The following ADGRF4 variants were observed in gnomAD, a reference collection of about 807,000 sequenced individuals.
The protein encoded by ADGRF4 is G-protein coupled receptor PGR18.
A neutral mutation model predicts 58.5 loss-of-function variants in ADGRF4; 63 were observed. The ratio of observed to expected loss-of-function variants is 1.08; its 90% CI spans 0.88 to 1.33. The LOEUF (loss-of-function observed/expected upper bound fraction) is 1.33. Among genes scored for constraint, ADGRF4 ranks in the 40% most tolerant of loss-of-function variants. The probability of loss-of-function intolerance (pLI) is 0.00; values close to 1 mark genes in which losing one functional copy is unlikely to be tolerated. For synonymous variants in ADGRF4, 313 were observed against 295.4 expected (o/e 1.06, Z -0.61); for missense variants, 931 against 843.9 (o/e 1.10, Z -1.28).
chr6:47,716,251 A>G (rs1379451746), intron 6 of ADGRF4, among the ~76,000 whole-genome samples: 1 of 152,164 alleles, frequency 6.6e-6, no homozygotes, highest in African/African-American at 2.4e-5. Flanking sequence ...TTTCTTCACC[A>G]TGAACTCTCC....
chr6:47,706,080 T>C (rs1771701559), intron 1 of ADGRF4, among the ~76,000 whole-genome samples: 1 of 152,212 alleles, frequency 6.6e-6, no homozygotes, highest in Non-Finnish European at 1.5e-5. Context: ...CATCAGATTA[T>C]AGTATAGTTC....
chr6:47,710,477 A>G (rs937888864), intron 3 of ADGRF4, among the ~76,000 whole-genome samples: 4 of 151,926 alleles, frequency 2.6e-5, no homozygotes, highest in Admixed American at 2.6e-4. Context: ...ATCTCTTGCC[A>G]CTCCCCCTTC....
intron 3 of ADGRF4, among the ~76,000 whole-genome samples, chr6:47,710,322 T>C (rs902736194): frequency 1.3e-5 from 2 of 152,194 alleles, no homozygotes; most frequent in African/African-American, 4.8e-5. Flanking sequence ...ATGTGTTCCT[T>C]TACATAAAAG....
chr6:47,716,907 G>A, intron 7 of ADGRF4, 60 bp downstream of exon 7: 2 of 1,221,616 alleles, frequency 1.6e-6, no homozygotes, highest in Non-Finnish European at 2.4e-6. Flanking sequence ...GAAGCAGGAG[G>A]ATGAAGCAGT....
At position 47,708,034 on chromosome 6, in the gene ADGRF4, G is replaced by A. The variant is rs188260143; in HGVS notation, c.94-190G>A. On this transcript the variant is annotated intron_variant, in intron 2 of 9. Transcript: ENST00000283303. ...AAGGTTCTATCCCTTATCAGAGGGC[G>A]TGCATTCTCCCTGTGCTCTCATCCA... is the stretch of plus-strand genomic sequence containing the variant. 6.8e-3 allele frequency among the ~76,000 whole-genome samples: 1,021 copies of A among 150,988 alleles called. 9 individuals are homozygous for A. The highest frequency in any genetic ancestry group is 0.023 in the African/African-American group (936 of 40,440).
intron 3 of ADGRF4, among the ~76,000 whole-genome samples, chr6:47,709,128 G>A (rs1771797920): frequency 6.6e-6 from 1 of 150,860 alleles, no homozygotes; most frequent in African/African-American, 2.5e-5. Flanking sequence ...TCATCACAGA[G>A]CTGCCCAAGC....
In ADGRF4 at chr6:47,714,269, AC is replaced by A. The variant is rs1411888127; in HGVS notation, c.1027del (p.Arg343AlafsTer24). 6.2e-7 allele frequency: 1 copy of A among 1,614,062 alleles called. No individual in the cohort carries two copies. Reference protein sequence around the residue: ...IILTFEKINKTRNARAQCVGW... With the variant: ...IILTFEKINKXRNARAQCVGW... ...ACTCACCTTCGAAAAGATCAATAAA[AC>A]CCGCAATGCCAGAGCCCAGTGTGTT... On this transcript the variant is annotated frameshift_variant, in exon 6 of 10. Coordinates refer to ENST00000283303, the MANE Select transcript of ADGRF4 (RefSeq NM_153838.5). LOFTEE classifies it high-confidence loss of function.
In ADGRF4 at chr6:47,714,207, T is replaced by A. The variant is rs753633830; in HGVS notation, c.962T>A (p.Leu321Gln). ...SLPRQVNGLV[L>Q]SVVLPERLQE... Reference sequence around the variant, plus strand: ...CCCAGACAGGTAAATGGTCTGGTGCTATCAGTGGTTTTACCAGAAAGGTTG... The same window carrying A: ...CCCAGACAGGTAAATGGTCTGGTGCAATCAGTGGTTTTACCAGAAAGGTTG... The change falls in exon 6 of 10, where the codon CTA (leucine) becomes CAA (glutamine). Residue 321 changes from leucine to glutamine, a missense_variant. Physicochemically the swap from Leu to Gln is moderately radical, Grantham distance 113 (BLOSUM62 -2). Transcript: ENST00000283303. 1.2e-6 allele frequency: 2 copies of A among 1,614,132 alleles called. No homozygotes were observed. The highest frequency in any genetic ancestry group is 1.7e-6 in the Non-Finnish European group (2 of 1,180,020).
chr6:47,706,386 T>A (rs1771710304), intron 1 of ADGRF4, among the ~76,000 whole-genome samples: 1 of 152,242 alleles, frequency 6.6e-6, no homozygotes, highest in Non-Finnish European at 1.5e-5. Flanking sequence ...TTTATCCATC[T>A]CTAAGAGGGA....
chr6:47,708,081 G>T (rs771030015), intron 2 of ADGRF4, 143 bp from the exon 3 acceptor site: 5 of 621,266 alleles, frequency 8.0e-6, no homozygotes, highest in Non-Finnish European at 1.4e-5. Flanking sequence ...GCAAGTTACC[G>T]CAATACCAGC....
chr6:47,710,967 C>A, intron 4 of ADGRF4, 81 bp downstream of exon 4: 1 of 1,339,236 alleles, frequency 7.5e-7, no homozygotes, highest in Non-Finnish European at 1.0e-6. Flanking sequence ...ATCTGTTCAG[C>A]ATGACAAAAA....
At position 47,715,016 on chromosome 6, in the gene ADGRF4, A is replaced by T. The variant is rs755917525; in HGVS notation, c.1771A>T (p.Ser591Cys). ...AVNTQRPSIGSSKSQDVVIIM... is the reference protein window; with the variant it reads ...AVNTQRPSIGCSKSQDVVIIM... ...CAACACTCAGAGGCCCTCTATTGGC[A>T]GTTCCAAGTCTCAGGATGTGGTCAT... Residue 591 changes from serine (S) to cysteine (C), a missense_variant, in exon 6 of 10, where the codon AGT (serine) becomes TGT (cysteine). Ser to Cys is a moderately radical substitution (Grantham distance 112). Coordinates refer to ENST00000283303, the MANE Select transcript of ADGRF4 (RefSeq NM_153838.5). 1 of 1,613,358 alleles carries T rather than the reference A, an allele frequency of 6.2e-7. No individual in the cohort carries two copies. Among genetic ancestry groups the T allele is most frequent in the Admixed American group, 1.7e-5 (1 of 60,016 alleles).
chr6:47,710,155 C>A (rs1226533722), intron 3 of ADGRF4, among the ~76,000 whole-genome samples: 1 of 152,116 alleles, frequency 6.6e-6, no homozygotes, highest in Non-Finnish European at 1.5e-5. Context: ...TTGTAGGACC[C>A]TAACCTTATA....
At chr6:47,717,757 A>G (rs1239431012) in intron 8 of ADGRF4, among the ~76,000 whole-genome samples, 1 of 152,232 alleles carries the variant, frequency 6.6e-6, no homozygotes, top group African/African-American at 2.4e-5. Flanking sequence ...CCACCCAGCT[A>G]ATCAGTAGCA....
At chr6:47,713,503 A>T (rs2113903977) in intron 5 of ADGRF4, among the ~76,000 whole-genome samples, 1 of 152,296 alleles carries the variant, frequency 6.6e-6, no homozygotes, top group Non-Finnish European at 1.5e-5. Context: ...CCTCCATTAA[A>T]CAATCATTAA....
chr6:47,703,855 T>C (rs1771645040), intron 1 of ADGRF4, among the ~76,000 whole-genome samples: 4 of 152,222 alleles, frequency 2.6e-5, no homozygotes, highest in Non-Finnish European at 1.5e-5. Flanking sequence ...CTTTACTCCC[T>C]GAACACGTTC....
Position 47,715,162 on chromosome 6 carries a change from G to C in ADGRF4, c.1917G>C (p.Leu639Phe). Reference protein sequence around the residue: ...TSLTFHIIFALLNAFQGFFIL... With the variant: ...TSLTFHIIFAFLNAFQGFFIL... ...TGACGTTCCATATAATTTTTGCCTT[G>C]CTCAATGCTTTCCAGGTAAGTTCCA... The change falls in exon 6 of 10, where the codon TTG becomes TTC. Residue 639 changes from leucine to phenylalanine, a missense_variant. Transcript: ENST00000283303. 6.3e-7 allele frequency: 1 copy of C among 1,583,968 alleles called. No homozygotes were observed. The highest frequency in any genetic ancestry group is 8.6e-7 in the Non-Finnish European group (1 of 1,157,722).
In ADGRF4 at chr6:47,714,238, A is replaced by T; in HGVS notation, c.993A>T (p.Glu331Asp). 6.2e-7 allele frequency: 1 copy of T among 1,614,178 alleles called. No individual in the cohort carries two copies. Among genetic ancestry groups the T allele is most frequent in the Non-Finnish European group, 8.5e-7 (1 of 1,180,026 alleles). ...TGGTTTTACCAGAAAGGTTGCAAGAAATCATACTCACCTTCGAAAAGATCA... is the reference window on the plus strand; with the variant it reads ...TGGTTTTACCAGAAAGGTTGCAAGATATCATACTCACCTTCGAAAAGATCA... ...LSVVLPERLQEIILTFEKINK... is the reference protein window; with the variant it reads ...LSVVLPERLQDIILTFEKINK... The change falls in exon 6 of 10, where the codon GAA (glutamate) becomes GAT (aspartate). Residue 331 changes from glutamate to aspartate, a missense_variant. By Grantham distance (45) the Glu-to-Asp change is conservative. Transcript: ENST00000283303.
intron 3 of ADGRF4, 70 bp downstream of exon 3, chr6:47,708,348 C>A: frequency 8.5e-7 from 1 of 1,179,916 alleles, no homozygotes; most frequent in African/African-American, 1.5e-5. Context: ...ACTGATGTTG[C>A]AAGCTTGTCC....
Sources: gnomAD v4.1 joint callset for allele counts (sites outside exome capture counted in the v4.1 genomes callset) on GRCh38, gnomAD v4.1.1 for gene constraint, MANE v1.5 for transcripts, NCBI Gene and HGNC (gene_info 2026-07-23, HGNC 2026-07-21) for gene names.